CCDC172: variants seen among roughly 807,000 people sequenced by gnomAD.
CCDC172 encodes coiled-coil domain containing 172.
CCDC172 carries 30 observed loss-of-function variants against 38.0 expected under a neutral mutation model. The ratio of observed to expected loss-of-function variants is 0.79; its 90% CI spans 0.59 to 1.07. CCDC172 has a LOEUF of 1.07. Ranked by LOEUF, CCDC172 falls within the 50% of genes least tolerant of loss-of-function variation. The probability of loss-of-function intolerance (pLI) is 0.00; values close to 1 mark genes in which losing one functional copy is unlikely to be tolerated. For synonymous variants in CCDC172, 78 were observed against 88.3 expected, an observed-to-expected ratio of 0.88 and a Z score of 0.66; for missense variants, 297 against 290.1, an observed-to-expected ratio of 1.02 and a Z score of -0.17.
At chr10:116,327,239 T>A (rs879914211) in intron 3 of CCDC172, among the ~76,000 whole-genome samples, 10 of 152,122 alleles carry the variant, frequency 6.6e-5, no homozygotes, top group Non-Finnish European at 1.0e-4. Context: ...AAAGTAACAA[T>A]TGAGTAATAA....
chr10:116,341,311 T>C (rs980149224), intron 4 of CCDC172, among the ~76,000 whole-genome samples: 1 of 152,048 alleles, frequency 6.6e-6, no homozygotes, highest in Non-Finnish European at 1.5e-5. Flanking sequence ...AGAAAATACA[T>C]TTAAAGATAT....
intron 5 of CCDC172, among the ~76,000 whole-genome samples, chr10:116,349,114 T>G (rs1342904286): frequency 6.6e-6 from 1 of 152,120 alleles, no homozygotes; most frequent in South Asian, 2.1e-4. Flanking sequence ...GCATGCTCCT[T>G]ATGAGAATCT....
chr10:116,351,478 A>G (rs1830691348), intron 5 of CCDC172, among the ~76,000 whole-genome samples: 1 of 152,164 alleles, frequency 6.6e-6, no homozygotes, highest in African/African-American at 2.4e-5. Flanking sequence ...TCTACTGTAT[A>G]TACTACACCA....
At chr10:116,354,586 T>A (rs1175142947) in intron 5 of CCDC172, among the ~76,000 whole-genome samples, 1 of 152,296 alleles carries the variant, frequency 6.6e-6, no homozygotes, top group Middle Eastern at 3.4e-3. Context: ...TAGCCGGGCA[T>A]GGTGGCATGC....
At chr10:116,360,321 C>T (rs531624926) in intron 7 of CCDC172, among the ~76,000 whole-genome samples, 1 of 152,112 alleles carries the variant, frequency 6.6e-6, no homozygotes, top group Non-Finnish European at 1.5e-5. Context: ...AGCTCTCCCC[C>T]CACTTATGGT....
chr10:116,346,866 T>A (rs1844874193), intron 5 of CCDC172, among the ~76,000 whole-genome samples: 1 of 152,170 alleles, frequency 6.6e-6, no homozygotes, highest in African/African-American at 2.4e-5. Flanking sequence ...TTTATTTTGA[T>A]TAATGTGCTG....
At position 116,379,380 on chromosome 10, in the gene CCDC172, A is replaced by G. The variant is rs1845285225; in HGVS notation, c.*22A>G. The G allele has an allele frequency of 1.3e-6, 2 of 1,546,758 alleles. No individual in the cohort carries two copies. Among genetic ancestry groups the G allele is most frequent in the African/African-American group, 2.7e-5 (2 of 72,804 alleles). ...ATAACTTACAGAGAATTGATCAGCCATCTGAGATTTGATCAGAATATCTGA... is the reference window on the plus strand; with the variant it reads ...ATAACTTACAGAGAATTGATCAGCCGTCTGAGATTTGATCAGAATATCTGA... On this transcript the variant is annotated 3_prime_UTR_variant, in exon 9 of 9. Transcript: ENST00000333254.
At chr10:116,341,675 T>C (rs1322003429) in intron 4 of CCDC172, among the ~76,000 whole-genome samples, 1 of 151,948 alleles carries the variant, frequency 6.6e-6, no homozygotes, top group African/African-American at 2.4e-5. Context: ...ATTTTAGTTT[T>C]TCAGTTTGGC....
At chr10:116,363,947 A>AAATAAT (rs1565722287) in intron 7 of CCDC172, among the ~76,000 whole-genome samples, 1 of 134,150 alleles carries the variant, frequency 7.5e-6, no homozygotes. Context: ...AAAAAAAAAA[A>AAATAAT]AATAATAATA....
At chr10:116,345,014 C>T (rs1196343580) in intron 5 of CCDC172, among the ~76,000 whole-genome samples, 2 of 152,046 alleles carry the variant, frequency 1.3e-5, no homozygotes, top group Non-Finnish European at 2.9e-5. Flanking sequence ...AGAACAATGC[C>T]TTTGTATATG....
chr10:116,333,015 GT>G (rs1844685069), intron 3 of CCDC172, among the ~76,000 whole-genome samples: 1 of 151,940 alleles, frequency 6.6e-6, no homozygotes, highest in Admixed American at 6.6e-5. Context: ...ATTTCAGCTT[GT>G]TCTGTTTTTA....
intron 3 of CCDC172, among the ~76,000 whole-genome samples, chr10:116,329,794 C>A (rs558849949): frequency 6.6e-6 from 1 of 152,128 alleles, no homozygotes; most frequent in East Asian, 1.9e-4. Flanking sequence ...GTAGTCATCT[C>A]GTATTCTTCA....
In CCDC172 at chr10:116,325,033, C is replaced by G; in HGVS notation, c.22C>G (p.Gln8Glu). ...TGAGATGAGCTTGGAGTCCCTGTTT[C>G]AGCACATCATCTTCACCGAGCATCA... MSLESLFQHIIFTEHQAE... is the reference protein window; with the variant it reads MSLESLFEHIIFTEHQAE... Residue 8 changes from glutamine (Q) to glutamate (E), a missense_variant, in exon 2 of 9, where the codon CAG becomes GAG. Coordinates refer to ENST00000333254, the MANE Select transcript of CCDC172 (RefSeq NM_198515.3). The G allele has an allele frequency of 9.3e-6, 15 of 1,614,124 alleles. No individual in the cohort carries two copies. The highest frequency in any genetic ancestry group is 9.3e-6 in the Non-Finnish European group (11 of 1,180,020).
chr10:116,355,806 G>A lies in CCDC172; in HGVS notation c.449-1574G>A, dbSNP rs76728152. Reference sequence around the variant, plus strand: ...GAGAAAGTAGATCAGTGGTTGCCTAGGGCTGGCAGAGTTAGGGGAAATTGG... The same window carrying A: ...GAGAAAGTAGATCAGTGGTTGCCTAAGGCTGGCAGAGTTAGGGGAAATTGG... On this transcript the variant is annotated intron_variant, in intron 5 of 8. Transcript: ENST00000333254. Among the ~76,000 whole-genome samples the A allele has an allele frequency of 1.1e-4, 17 of 152,262 alleles. No individual in the cohort carries two copies. The East Asian group carries it at 3.3e-3, about 29-fold the overall frequency.
At chr10:116,353,832 A>AG (rs1844961589) in intron 5 of CCDC172, among the ~76,000 whole-genome samples, 1 of 152,256 alleles carries the variant, frequency 6.6e-6, no homozygotes, top group Non-Finnish European at 1.5e-5. Flanking sequence ...ACAATGAGAT[A>AG]CCACTAGTGT....
chr10:116,327,944 C>T (rs1056335696), intron 3 of CCDC172, among the ~76,000 whole-genome samples: 1 of 151,946 alleles, frequency 6.6e-6, no homozygotes, highest in Admixed American at 6.6e-5. Context: ...GAATATTTGA[C>T]TTGGCATTTA....
chr10:116,369,864 A>G (rs1420423152), intron 7 of CCDC172, among the ~76,000 whole-genome samples: 1 of 151,976 alleles, frequency 6.6e-6, no homozygotes, highest in Non-Finnish European at 1.5e-5. Context: ...AATCTTGCCA[A>G]AAGAGTTTGT....
At chr10:116,378,880 T>C (rs1845280169) in intron 8 of CCDC172, among the ~76,000 whole-genome samples, 1 of 152,234 alleles carries the variant, frequency 6.6e-6, no homozygotes, top group Non-Finnish European at 1.5e-5. Context: ...TTGATAGGCA[T>C]AAATTATACT....
chr10:116,340,924 T>A, intron 4 of CCDC172, 74 bp downstream of exon 4: 1 of 845,930 alleles, frequency 1.2e-6, no homozygotes, highest in Admixed American at 2.1e-5. Flanking sequence ...TTAAGTATAC[T>A]TTTAGAAAAT....
Sources: allele counts gnomAD v4.1 joint callset (sites outside exome capture counted in the v4.1 genomes callset), GRCh38; gene constraint gnomAD v4.1.1; transcripts MANE v1.5; gene names NCBI Gene and HGNC (gene_info 2026-07-23, HGNC 2026-07-21).